Variants in DRP2 observed in about 807,000 individuals in gnomAD.
The protein encoded by DRP2 is dystrophin related protein 2.
Under a neutral mutation model 78.2 loss-of-function variants are expected in DRP2, and 29 were observed. The ratio of observed to expected loss-of-function variants is 0.37; its 90% CI spans 0.28 to 0.51. DRP2 has a LOEUF of 0.51. Among genes scored for constraint, DRP2 ranks in the 20% least tolerant of loss-of-function variants. The pLI, the probability that DRP2 is intolerant of heterozygous loss-of-function variation, is 0.94. For synonymous variants in DRP2, 290 were observed against 281.9 expected (o/e 1.03, Z -0.29); for missense variants, 686 against 770.6 (o/e 0.89, Z 1.30).
At chrX:101,234,824 T>G (rs1922432794) in intron 3 of DRP2, among the ~76,000 whole-genome samples, 1 of 109,326 alleles carries the variant, frequency 9.1e-6, no homozygotes, top group South Asian at 4.1e-4. Context: ...GCCTGGAGAG[T>G]CTTGTGTGGG....
At position 101,245,433 on chromosome X, in the gene DRP2, G is replaced by A. The variant is rs1305810205; in HGVS notation, c.1161G>A (p.Glu387=). Residue 387 remains glutamate, a synonymous_variant, in exon 11 of 24, where the codon GAG becomes GAA. Transcript: ENST00000395209. ...TTCWDHPKMT[E]LYQTLADLNN... is the part of the protein sequence containing the mutation. ...GCTGGGACCATCCCAAGATGACAGAGTTATACCAAACCCTAGGTAAGAATG... is the reference window on the plus strand; with the variant it reads ...GCTGGGACCATCCCAAGATGACAGAATTATACCAAACCCTAGGTAAGAATG... The A allele has an allele frequency of 8.3e-7, 1 of 1,205,487 alleles. No individual in the cohort carries two copies. Among genetic ancestry groups the A allele is most frequent in the Middle Eastern group, 2.3e-4 (1 of 4,348 alleles).
Position 101,237,771 on chromosome X carries a change from A to G in DRP2, c.434A>G (p.His145Arg), listed in dbSNP as rs1306265003. The G allele has an allele frequency of 2.6e-6, 3 of 1,141,505 alleles. No individual in the cohort carries two copies. The African/African-American group carries it at 5.4e-5, about 20-fold the overall frequency. 94.1% of individuals were successfully genotyped at this position (1,141,505 alleles called of 1,213,427 possible). A position where few individuals can be genotyped will look rare whatever the true frequency, so the allele number is the denominator to read the frequency against. ...VALVQQEKET[H>R]AAFMEEVKSR... ...CTGGTGCAACAGGAGAAGGAGACAC[A>G]TGCGGTAGGTTAGAATCAGAGAAGC... The change falls in exon 5 of 24, where the codon CAT (histidine) becomes CGT (arginine). Residue 145 changes from histidine (H) to arginine (R), a missense_variant. His to Arg is a conservative substitution (Grantham distance 29, BLOSUM62 0). This residue lies in a region of DRP2 where 263 missense variants were observed against 239.1 expected (regional missense o/e 1.10). Coordinates refer to ENST00000395209, the MANE Select transcript of DRP2 (RefSeq NM_001939.3).
intron 4 of DRP2, among the ~76,000 whole-genome samples, chrX:101,237,324 C>A (rs1447650621): frequency 1.8e-5 from 2 of 111,569 alleles, no homozygotes; most frequent in Non-Finnish European, 3.8e-5. Context: ...GTTTGGCATG[C>A]AACTGAAGTA....
chrX:101,232,663 T>A (rs960363548), intron 3 of DRP2, among the ~76,000 whole-genome samples: 2 of 111,181 alleles, frequency 1.8e-5, no homozygotes, highest in African/African-American at 6.5e-5. Flanking sequence ...TAGAGTCAGG[T>A]CCCCCTGAGC....
chrX:101,258,528 G>T lies in DRP2; in HGVS notation c.2610G>T (p.Leu870=). The change falls in exon 22 of 24, where the codon CTG becomes CTT. Residue 870 remains leucine, a synonymous_variant. Coordinates refer to ENST00000395209, the MANE Select transcript of DRP2 (RefSeq NM_001939.3). ...NKQLESQLQR[L]RELLLQPPTE... is the part of the protein sequence containing the mutation. ...AGCTAGAGTCCCAGCTGCAGCGTCT[G>T]AGGGAGCTTCTCCTGCAGGTGAGGA... is the stretch of plus-strand genomic sequence containing the variant. The T allele has an allele frequency of 8.5e-7, 1 of 1,181,240 alleles. No homozygotes were observed. Among genetic ancestry groups the T allele is most frequent in the Non-Finnish European group, 1.1e-6 (1 of 879,481 alleles).
intron 2 of DRP2, among the ~76,000 whole-genome samples, chrX:101,230,557 T>C (rs988292945): frequency 1.8e-5 from 2 of 110,238 alleles, no homozygotes; most frequent in Admixed American, 1.9e-4. Context: ...TAAAATAAAA[T>C]GCAAATCTCA....
intron 2 of DRP2, 26 bp from the exon 3 acceptor site, chrX:101,231,559 G>A (rs929256538): frequency 3.7e-5 from 31 of 827,024 alleles, no homozygotes; most frequent in Non-Finnish European, 5.1e-5. Context: ...GTCTTGACTC[G>A]AAATCTCTCT....
At chrX:101,248,358 G>A in intron 13 of DRP2, 68 bp downstream of exon 13, 1 of 1,135,268 alleles carries the variant, frequency 8.8e-7, no homozygotes, top group Non-Finnish European at 1.2e-6. Flanking sequence ...GGGCCTGGTG[G>A]GAAGGTGTTG....
chrX:101,221,360 T>C (rs1921889131), intron 1 of DRP2, among the ~76,000 whole-genome samples: 1 of 112,492 alleles, frequency 8.9e-6, no homozygotes, highest in Non-Finnish European at 1.9e-5. Flanking sequence ...CCTCAGGTGA[T>C]TTTCCTTCTA....
chrX:101,225,032 GA>G (rs760828917), intron 2 of DRP2, among the ~76,000 whole-genome samples: 2 of 110,804 alleles, frequency 1.8e-5, no homozygotes, highest in Admixed American at 9.6e-5. Context: ...CTTATTTATT[GA>G]AAAAAAAATT....
At chrX:101,232,694 A>G (rs1384966082) in intron 3 of DRP2, among the ~76,000 whole-genome samples, 1 of 112,117 alleles carries the variant, frequency 8.9e-6, no homozygotes, top group Non-Finnish European at 1.9e-5. Context: ...ACATCCAGCT[A>G]GAAAGAAATT....
intron 9 of DRP2, among the ~76,000 whole-genome samples, chrX:101,244,686 A>G (rs1032146410): frequency 5.3e-5 from 6 of 112,647 alleles, no homozygotes; most frequent in African/African-American, 1.9e-4. Context: ...AGCTGCCTGC[A>G]GCTGATGGGT....
At position 101,219,829 on chromosome X, in the gene DRP2, C is replaced by T. The variant is rs1489232745; in HGVS notation, c.-484C>T. 3 of 109,951 alleles carry T rather than the reference C, an allele frequency of 2.7e-5. No homozygotes were observed. The highest frequency in any genetic ancestry group is 5.7e-5 in the Non-Finnish European group (3 of 52,749). The allele number at this position is 109,951 out of a possible 1,213,427, so 9.1% of individuals were successfully genotyped here. On this transcript the variant is annotated 5_prime_UTR_variant, in exon 1 of 24. Transcript: ENST00000395209. ...CTAATGAATTGACATCTCCAAGAGCCGCCACATCTCTGGTAGTTTTACAAA... is the reference window on the plus strand; with the variant it reads ...CTAATGAATTGACATCTCCAAGAGCTGCCACATCTCTGGTAGTTTTACAAA...
intron 3 of DRP2, among the ~76,000 whole-genome samples, chrX:101,234,926 A>G (rs950286947): frequency 9.0e-6 from 1 of 110,939 alleles, no homozygotes; most frequent in Non-Finnish European, 1.9e-5. Context: ...GCAAGCATGT[A>G]GACAAGCAGG....
At chrX:101,260,377 G>C in intron 23 of DRP2, 120 bp from the exon 24 acceptor site, 1 of 1,011,842 alleles carries the variant, frequency 9.9e-7, no homozygotes, top group South Asian at 2.3e-5. Context: ...TAGGCATTGT[G>C]CTGGGAAGAT....
chrX:101,227,349 C>T (rs1474067016), intron 2 of DRP2, among the ~76,000 whole-genome samples: 1 of 111,791 alleles, frequency 8.9e-6, no homozygotes, highest in Admixed American at 9.5e-5. Flanking sequence ...CTCTCATAGC[C>T]TTTGCAAATT....
intron 10 of DRP2, 34 bp from the exon 11 acceptor site, chrX:101,245,354 T>G (rs1326963736): frequency 8.5e-7 from 1 of 1,169,751 alleles, no homozygotes; most frequent in African/African-American, 1.8e-5. Context: ...GTGGGTGGTA[T>G]AGATGCTGGT....
intron 17 of DRP2, 83 bp from the exon 18 acceptor site, chrX:101,254,342 G>T: frequency 8.8e-7 from 1 of 1,135,691 alleles, no homozygotes. Context: ...CCAGCAGGCT[G>T]TCTGCTCTAG....
intron 1 of DRP2, among the ~76,000 whole-genome samples, chrX:101,224,182 G>GTTTT (rs1214156680): frequency 3.2e-4 from 14 of 44,216 alleles, no homozygotes; most frequent in Non-Finnish European, 4.1e-4. Flanking sequence ...TGTTTGCTGG[G>GTTTT]TTTTTTTTGT....
Sources: gnomAD v4.1 joint callset for allele counts (sites outside exome capture counted in the v4.1 genomes callset) on GRCh38, gnomAD v4.1.1 for gene constraint, gnomAD v4.1.1 regional missense constraint, MANE v1.5 for transcripts, NCBI Gene and HGNC (gene_info 2026-07-23, HGNC 2026-07-21) for gene names.